The following LYPLAL1 variants were observed in gnomAD, a reference collection of about 807,000 sequenced individuals.
LYPLAL1 encodes lysophospholipase like 1, also known as lysophospholipase-like protein 1.
Under a neutral mutation model 19.7 loss-of-function variants are expected in LYPLAL1, and 23 were observed. That is an observed-to-expected ratio of 1.17 (90% CI 0.84 to 1.65). The LOEUF (loss-of-function observed/expected upper bound fraction) is 1.65. Among genes scored for constraint, LYPLAL1 ranks in the 40% most tolerant of loss-of-function variants. The pLI is 0.00. For missense variants in LYPLAL1, 355 were observed against 279.4 expected (o/e 1.27, Z -1.93); for synonymous variants, 119 against 96.3 (o/e 1.24, Z -1.38).
At chr1:219,189,612 G>A (rs1289298668) in intron 2 of LYPLAL1, among the ~76,000 whole-genome samples, 4 of 151,480 alleles carry the variant, frequency 2.6e-5, no homozygotes, top group South Asian at 2.1e-4. Context: ...AGGCATATGG[G>A]GTTGTGAGAT....
the LYPLAL1 span, among the ~76,000 whole-genome samples, chr1:219,329,648 C>G: frequency 1.6e-4 from 24 of 152,296 alleles, no homozygotes; most frequent in African/African-American, 5.8e-4. Flanking sequence ...GCCCGGTGAG[C>G]CTTCATTGCT....
chr1:219,389,935 A>G, the LYPLAL1 span, among the ~76,000 whole-genome samples: 1 of 152,230 alleles, frequency 6.6e-6, no homozygotes, highest in Non-Finnish European at 1.5e-5. Context: ...ACTAGAAATT[A>G]GAAGACCTCA....
the LYPLAL1 span, among the ~76,000 whole-genome samples, chr1:219,255,152 A>T: frequency 6.6e-6 from 1 of 151,736 alleles, no homozygotes; most frequent in Non-Finnish European, 1.5e-5. Flanking sequence ...TGACATTTTG[A>T]TTGAAATTGT....
chr1:219,298,951 G>GA, the LYPLAL1 span, among the ~76,000 whole-genome samples: 1 of 152,060 alleles, frequency 6.6e-6, no homozygotes, highest in Non-Finnish European at 1.5e-5. Context: ...GACCTCCAAT[G>GA]AAAAAATAAA....
At chr1:219,306,367 A>T in the LYPLAL1 span, among the ~76,000 whole-genome samples, 1 of 152,096 alleles carries the variant, frequency 6.6e-6, no homozygotes, top group Admixed American at 6.6e-5. Context: ...TGATTATTCT[A>T]GTGTGTCTGT....
At position 219,173,981 on chromosome 1, in the gene LYPLAL1, G is replaced by A. The variant is rs756200211; in HGVS notation, c.91G>A (p.Gly31Ser). ...CTCTCTGATCTTCCTGCATGGCTCA[G>A]GTGGATTTCAATTTTACGTCCTGGT... is the stretch of plus-strand genomic sequence containing the variant. ...SASLIFLHGS[G>S]DSGQGLRMWI... The change falls in exon 1 of 5, where the codon GGT becomes AGT. Residue 31 changes from glycine to serine, a missense_variant and splice_region_variant. Physicochemically the swap from Gly to Ser is moderately conservative, Grantham distance 56. Coordinates refer to ENST00000366928, the MANE Select transcript of LYPLAL1 (RefSeq NM_138794.5). 1.2e-6 allele frequency: 2 copies of A among 1,614,086 alleles called. No individual in the cohort carries two copies. The highest frequency in any genetic ancestry group is 2.2e-5 in the South Asian group (2 of 91,090).
the LYPLAL1 span, among the ~76,000 whole-genome samples, chr1:219,437,515 C>G: frequency 6.6e-6 from 1 of 152,104 alleles, no homozygotes; most frequent in Non-Finnish European, 1.5e-5. Flanking sequence ...CTTCCCCTCC[C>G]TCCCTACATT....
chr1:219,176,734 T>C (rs1051968295), intron 1 of LYPLAL1, among the ~76,000 whole-genome samples: 8 of 152,168 alleles, frequency 5.3e-5, no homozygotes, highest in African/African-American at 1.9e-4. Flanking sequence ...CACTGGTGTA[T>C]AGGTAAAAAT....
chr1:219,390,500 A>G, the LYPLAL1 span, among the ~76,000 whole-genome samples: 3 of 152,184 alleles, frequency 2.0e-5, no homozygotes, highest in Admixed American at 6.5e-5. Flanking sequence ...AAGATTAGCT[A>G]GGGAATTGTA....
At chr1:219,241,959 A>G in the LYPLAL1 span, among the ~76,000 whole-genome samples, 1 of 152,248 alleles carries the variant, frequency 6.6e-6, no homozygotes. Flanking sequence ...ATGGATTTAA[A>G]ACTAATTTGA....
At chr1:219,418,866 C>T in the LYPLAL1 span, among the ~76,000 whole-genome samples, 1 of 152,202 alleles carries the variant, frequency 6.6e-6, no homozygotes, top group East Asian at 1.9e-4. Context: ...AAAAAGTTTG[C>T]CTTTGCTAGA....
the LYPLAL1 span, among the ~76,000 whole-genome samples, chr1:219,319,538 G>A: frequency 6.6e-6 from 1 of 152,176 alleles, no homozygotes; most frequent in African/African-American, 2.4e-5. Context: ...TGCAGAAATA[G>A]GAGGGAGCAA....
the LYPLAL1 span, among the ~76,000 whole-genome samples, chr1:219,330,551 G>C: frequency 2.7e-3 from 417 of 152,270 alleles, 1 homozygote; most frequent in Middle Eastern, 6.8e-3. Context: ...CTTCCATGTA[G>C]ATAGCAATGC....
At chr1:219,385,584 G>C in the LYPLAL1 span, among the ~76,000 whole-genome samples, 3 of 152,038 alleles carry the variant, frequency 2.0e-5, no homozygotes, top group South Asian at 2.1e-4. Flanking sequence ...AAAAGTGTTT[G>C]GGGTAGACCA....
chr1:219,421,632 T>G, the LYPLAL1 span, among the ~76,000 whole-genome samples: 13 of 152,094 alleles, frequency 8.5e-5, no homozygotes, highest in Non-Finnish European at 2.9e-5. Flanking sequence ...TCAAAGCCAT[T>G]GAAAAACATC....
the LYPLAL1 span, among the ~76,000 whole-genome samples, chr1:219,341,207 C>A: frequency 6.6e-6 from 1 of 152,060 alleles, no homozygotes; most frequent in African/African-American, 2.4e-5. Flanking sequence ...TTAGTAATAA[C>A]CAACTTGTCT....
At chr1:219,209,861 T>A (rs1176098664) in intron 3 of LYPLAL1, among the ~76,000 whole-genome samples, 1 of 152,112 alleles carries the variant, frequency 6.6e-6, no homozygotes, top group African/African-American at 2.4e-5. Flanking sequence ...TTAATCTGCA[T>A]ATATCCAGTG....
At chr1:219,259,357 G>T in the LYPLAL1 span, among the ~76,000 whole-genome samples, 1 of 149,752 alleles carries the variant, frequency 6.7e-6, no homozygotes, top group Non-Finnish European at 1.5e-5. Flanking sequence ...TGTAGAATCA[G>T]CCTAAATGCC....
the LYPLAL1 span, among the ~76,000 whole-genome samples, chr1:219,431,162 C>T: frequency 2.0e-5 from 3 of 152,142 alleles, no homozygotes; most frequent in Non-Finnish European, 4.4e-5. Flanking sequence ...TTCAAATCCA[C>T]ACAGTATGAA....
Sources: gnomAD v4.1 joint callset for allele counts (sites outside exome capture counted in the v4.1 genomes callset) on GRCh38, gnomAD v4.1.1 for gene constraint, MANE v1.5 for transcripts, NCBI Gene and HGNC (gene_info 2026-07-23, HGNC 2026-07-21) for gene names.